Variants in C2CD3 observed in about 807,000 individuals in gnomAD.
C2CD3 encodes C2 domain-containing protein 3.
In C2CD3, 148 loss-of-function variants were observed where a neutral mutation model predicts 234.0. The ratio of observed to expected loss-of-function variants is 0.63; its 90% CI spans 0.55 to 0.72. C2CD3 has a LOEUF of 0.72. Ranked by LOEUF, C2CD3 falls within the 30% of genes least tolerant of loss-of-function variation. C2CD3 has a pLI of 0.00. For synonymous variants in C2CD3, 1,000 were observed against 1,035.4 expected (o/e 0.97, Z 0.66); for missense variants, 2,577 against 2,811.5 (o/e 0.92, Z 1.89).
intron 2 of C2CD3, chr11:74,164,363 G>T: frequency 3.0e-6 from 1 of 330,730 alleles, no homozygotes; most frequent in Non-Finnish European, 4.3e-6. Context: ...AGAATAAAAC[G>T]TAAAGGAAGA....
In C2CD3 at chr11:74,100,542, C is replaced by T. The variant is rs1956274616; in HGVS notation, c.2715G>A (p.Gln905=). 1 of 1,611,050 alleles carries T rather than the reference C, an allele frequency of 6.2e-7. No homozygotes were observed. Among genetic ancestry groups the T allele is most frequent in the Non-Finnish European group, 8.5e-7 (1 of 1,179,244 alleles). ...LLGLVKLPLH[Q]FYMSFKDAKI... is the part of the protein sequence containing the mutation. ...CTATTTACTTGAATGACATGTAAAA[C>T]TGGTGGAGGGGAAGTTTCACCAGCC... The change falls in exon 15 of 33, where the codon CAG becomes CAA. Residue 905 remains glutamine (Q), a synonymous_variant. Transcript: ENST00000334126.
chr11:74,169,495 A>G (rs1029476951), intron 1 of C2CD3, among the ~76,000 whole-genome samples: 1 of 152,088 alleles, frequency 6.6e-6, no homozygotes. Context: ...AGAAGAAAAT[A>G]TATGGAATGT....
intron 3 of C2CD3, among the ~76,000 whole-genome samples, chr11:74,154,761 G>A (rs1443486429): frequency 6.6e-6 from 1 of 152,166 alleles, no homozygotes; most frequent in East Asian, 1.9e-4. Flanking sequence ...TATAGGTGAT[G>A]AGCCAGATTT....
chr11:74,095,181 A>G, intron 17 of C2CD3, 47 bp downstream of exon 17: 1 of 1,300,374 alleles, frequency 7.7e-7, no homozygotes, highest in South Asian at 1.9e-5. Flanking sequence ...AGTATAATCT[A>G]ATAAAAGAAC....
chr11:74,162,241 T>A (rs1329954085), intron 2 of C2CD3, among the ~76,000 whole-genome samples: 1 of 152,194 alleles, frequency 6.6e-6, no homozygotes, highest in East Asian at 1.9e-4. Context: ...TAAGTAGCTC[T>A]ATACTGATAT....
chr11:74,121,361 C>T (rs901730955), intron 8 of C2CD3, among the ~76,000 whole-genome samples: 1 of 152,068 alleles, frequency 6.6e-6, no homozygotes, highest in African/African-American at 2.4e-5. Context: ...AATCCCAGCA[C>T]TTTGGGAGGC....
intron 24 of C2CD3, among the ~76,000 whole-genome samples, chr11:74,067,597 A>T: frequency 6.6e-6 from 1 of 152,302 alleles, no homozygotes; most frequent in Admixed American, 6.5e-5. Flanking sequence ...GCAAAAAATC[A>T]GTTAATGGAA....
intron 2 of C2CD3, among the ~76,000 whole-genome samples, chr11:74,165,532 AAAT>A (rs1249991443): frequency 6.6e-6 from 1 of 152,240 alleles, no homozygotes; most frequent in Non-Finnish European, 1.5e-5. Context: ...AGAGTAAATA[AAAT>A]AATAATAATG....
chr11:74,145,602 T>G (rs1434289156), intron 3 of C2CD3, among the ~76,000 whole-genome samples: 2 of 152,194 alleles, frequency 1.3e-5, no homozygotes, highest in East Asian at 3.8e-4. Flanking sequence ...TTGCTTTTGT[T>G]GTTTTCATCA....
chr11:74,074,360 C>T lies in C2CD3; in HGVS notation c.4844G>A (p.Ser1615Asn), dbSNP rs1348387961. The T allele has an allele frequency of 1.2e-6, 2 of 1,614,072 alleles. No homozygotes were observed. Among genetic ancestry groups the T allele is most frequent in the African/African-American group, 1.3e-5 (1 of 74,948 alleles). ...KSPASTQVPCSSTTAEVRLTQ... is the reference protein window; with the variant it reads ...KSPASTQVPCNSTTAEVRLTQ... ...CAGGCGGACTTCAGCTGTGGTGCTG[C>T]TGCAGGGGACCTGGGTGGAGGCAGG... is the stretch of plus-strand genomic sequence containing the variant. Residue 1615 changes from serine (S) to asparagine (N), a missense_variant, in exon 24 of 33, where the codon AGC becomes AAC. Physicochemically the swap from Ser to Asn is conservative, Grantham distance 46. Coordinates refer to ENST00000334126, the MANE Select transcript of C2CD3 (RefSeq NM_001286577.2).
rs148576679 is a variant in C2CD3, at chr11:74,073,561, T to A, written c.4951+692A>T. Among the ~76,000 whole-genome samples the A allele has an allele frequency of 1.9e-3, 273 of 140,652 alleles. 2 individuals are homozygous for A. Among genetic ancestry groups the A allele is most frequent in the African/African-American group, 7.0e-3 (260 of 37,296 alleles). 92.3% of individuals were successfully genotyped at this position (140,652 alleles called of 152,430 possible). On this transcript the variant is annotated intron_variant, in intron 24 of 32. Coordinates refer to ENST00000334126, the MANE Select transcript of C2CD3 (RefSeq NM_001286577.2). Reference sequence around the variant, plus strand: ...GAAATCGTGCCACTGCACTGCAGCCTGGGCGACAGAGCAAGACTTTGTTTC... The same window carrying A: ...GAAATCGTGCCACTGCACTGCAGCCAGGGCGACAGAGCAAGACTTTGTTTC...
rs1490620453 is a variant in C2CD3 at position 74,139,468 on chromosome 11, G to A, written c.707+137C>T. ...GTATCAAACCAGGACCAGAGTGGGT[G>A]CTTCACAGTTATCTGCTAAATGAGG... is the stretch of plus-strand genomic sequence containing the variant. On this transcript the variant is annotated intron_variant, in intron 4 of 32. Coordinates refer to ENST00000334126, the MANE Select transcript of C2CD3 (RefSeq NM_001286577.2). 5 of 729,534 alleles carry A rather than the reference G, an allele frequency of 6.9e-6. No individual in the cohort carries two copies. In the African/African-American group the frequency reaches 8.7e-5, roughly 13 times the overall value. The allele number at this position is 729,534 out of a possible 1,614,324, so 45.2% of individuals were successfully genotyped here. A position where few individuals can be genotyped will look rare whatever the true frequency, so the allele number is the denominator to read the frequency against.
At chr11:74,135,495 C>G (rs981407425) in intron 5 of C2CD3, among the ~76,000 whole-genome samples, 1 of 152,146 alleles carries the variant, frequency 6.6e-6, no homozygotes. Context: ...AGAATCTAAT[C>G]ATATTAACCT....
chr11:74,081,720 C>T (rs1955380543), intron 22 of C2CD3, among the ~76,000 whole-genome samples: 2 of 152,192 alleles, frequency 1.3e-5, no homozygotes, highest in East Asian at 1.9e-4. Flanking sequence ...AACTTCAGAA[C>T]GATTAGGAGA....
chr11:74,139,464 G>C, intron 4 of C2CD3, 141 bp downstream of exon 4: 1 of 717,752 alleles, frequency 1.4e-6, no homozygotes, highest in Admixed American at 2.0e-5. Flanking sequence ...GGACCAGAGT[G>C]GGTGCTTCAC....
chr11:74,088,002 T>A (rs1475815245), intron 20 of C2CD3, among the ~76,000 whole-genome samples: 1 of 152,134 alleles, frequency 6.6e-6, no homozygotes, highest in African/African-American at 2.4e-5. Context: ...CTGGTGTTTC[T>A]TGATGAGAGA....
chr11:74,127,948 C>T (rs1290734090), intron 7 of C2CD3, among the ~76,000 whole-genome samples: 4 of 151,966 alleles, frequency 2.6e-5, no homozygotes, highest in African/African-American at 7.3e-5. Context: ...CTGCAAGCTC[C>T]GCCTCCTGGG....
intron 24 of C2CD3, among the ~76,000 whole-genome samples, chr11:74,069,916 C>T (rs1284866658): frequency 6.6e-6 from 1 of 152,146 alleles, no homozygotes; most frequent in South Asian, 2.1e-4. Flanking sequence ...TCTTGATCTG[C>T]GGGAGACAAA....
intron 3 of C2CD3, among the ~76,000 whole-genome samples, chr11:74,158,899 G>C (rs1403484265): frequency 6.6e-6 from 1 of 152,106 alleles, no homozygotes; most frequent in Non-Finnish European, 1.5e-5. Flanking sequence ...TGTATTGTTG[G>C]TGGGAATGTC....
Sources: gnomAD v4.1 joint callset for allele counts (sites outside exome capture counted in the v4.1 genomes callset) on GRCh38, gnomAD v4.1.1 for gene constraint, MANE v1.5 for transcripts, NCBI Gene and HGNC (gene_info 2026-07-23, HGNC 2026-07-21) for gene names.